Variants in RIN2 observed in about 807,000 individuals in gnomAD.
RIN2 encodes the protein Ras and Rab interactor 2.
Under a neutral mutation model 78.0 loss-of-function variants are expected in RIN2, and 36 were observed. The observed-to-expected ratio is 0.46, with a 90% CI of 0.35 to 0.61. RIN2 has a LOEUF of 0.61. Ranked by LOEUF, RIN2 falls within the 20% of genes least tolerant of loss-of-function variation. RIN2 has a pLI of 0.00. For missense variants in RIN2, 1,087 were observed against 1,159.7 expected (o/e 0.94, Z 0.91); for synonymous variants, 466 against 466.8 (o/e 1.00, Z 0.02).
chr20:19,856,363 A>G (rs181352170), intron 2 of RIN2, among the ~76,000 whole-genome samples: 1 of 152,092 alleles, frequency 6.6e-6, no homozygotes, highest in African/African-American at 2.4e-5. Flanking sequence ...AAATAAATTT[A>G]AAAAATAATT....
chr20:19,980,537 G>A (rs1175391743), intron 9 of RIN2, among the ~76,000 whole-genome samples: 1 of 152,146 alleles, frequency 6.6e-6, no homozygotes, highest in Non-Finnish European at 1.5e-5. Flanking sequence ...GAAGATGTCT[G>A]CTCCAGAGTA....
At chr20:19,921,533 G>C (rs542229017) in intron 3 of RIN2, among the ~76,000 whole-genome samples, 114 of 152,304 alleles carry the variant, frequency 7.5e-4, no homozygotes, top group Admixed American at 3.2e-3. Flanking sequence ...ACTGCTCTGA[G>C]CTGAGGAGAC....
chr20:19,865,754 A>G (rs1412741171), intron 2 of RIN2, among the ~76,000 whole-genome samples: 1 of 152,050 alleles, frequency 6.6e-6, no homozygotes, highest in Non-Finnish European at 1.5e-5. Context: ...GGCCTCCCAA[A>G]GTGCTGGGAT....
intron 1 of RIN2, among the ~76,000 whole-genome samples, chr20:19,761,281 C>T (rs561320743): frequency 4.4e-4 from 67 of 152,342 alleles, no homozygotes; most frequent in Non-Finnish European, 7.1e-4. Flanking sequence ...CCCAGAGGCA[C>T]ACTCCATGCA....
intron 11 of RIN2, among the ~76,000 whole-genome samples, chr20:19,995,455 G>T (rs1287683361): frequency 1.3e-5 from 2 of 151,972 alleles, no homozygotes; most frequent in Non-Finnish European, 2.9e-5. Flanking sequence ...AACATTCAGG[G>T]CGACCCCTAG....
At chr20:19,806,403 G>C (rs2035410806) in intron 2 of RIN2, among the ~76,000 whole-genome samples, 1 of 152,128 alleles carries the variant, frequency 6.6e-6, no homozygotes, top group Non-Finnish European at 1.5e-5. Context: ...ACTTTTTAAT[G>C]ATCGCCATTC....
intron 11 of RIN2, among the ~76,000 whole-genome samples, chr20:19,994,081 G>A (rs537112901): frequency 5.3e-5 from 8 of 152,360 alleles, no homozygotes; most frequent in African/African-American, 1.9e-4. Flanking sequence ...TGGACAGGTG[G>A]CTGTCTTCTC....
chr20:19,995,268 A>AC (rs2042920860), intron 11 of RIN2, among the ~76,000 whole-genome samples: 1 of 151,298 alleles, frequency 6.6e-6, no homozygotes, highest in African/African-American at 2.4e-5. Context: ...TTTTAAAAAA[A>AC]AAAAAAAAAA....
intron 1 of RIN2, among the ~76,000 whole-genome samples, chr20:19,778,947 T>C (rs2034404338): frequency 6.6e-6 from 1 of 152,142 alleles, no homozygotes; most frequent in Admixed American, 6.5e-5. Flanking sequence ...AGCATCTGGG[T>C]CCTGACTCAG....
intron 2 of RIN2, among the ~76,000 whole-genome samples, chr20:19,859,189 G>A (rs1477119032): frequency 6.6e-6 from 1 of 152,238 alleles, no homozygotes; most frequent in Admixed American, 6.5e-5. Context: ...AAGATGGGGA[G>A]GAGCCATCCA....
chr20:19,850,049 G>A (rs2036911718), intron 2 of RIN2, among the ~76,000 whole-genome samples: 1 of 152,194 alleles, frequency 6.6e-6, no homozygotes, highest in Non-Finnish European at 1.5e-5. Context: ...CTCTGAAAAT[G>A]TCCATGCTGG....
chr20:19,880,352 A>G (rs1460813708), intron 2 of RIN2, among the ~76,000 whole-genome samples: 1 of 146,544 alleles, frequency 6.8e-6, no homozygotes, highest in Non-Finnish European at 1.5e-5. Context: ...AAAGATAAGC[A>G]TGGCTCTTCC....
In RIN2 at chr20:19,906,780, TTAACTC is replaced by T. The variant is rs1274146515; in HGVS notation, c.57+17126_57+17131del. Among the ~76,000 whole-genome samples the T allele has an allele frequency of 5.9e-5, 9 of 152,292 alleles. No individual in the cohort carries two copies. The South Asian group carries it at 6.2e-4, about 11-fold the overall frequency. On this transcript the variant is annotated intron_variant, in intron 3 of 12. Coordinates refer to ENST00000255006, the MANE Select transcript of RIN2 (RefSeq NM_018993.4). ...ATTATATTTAAATGTTGAAACTAGT[TTAACTC>T]TAAAAGACAAGACAAGCCCATGTGA...
chr20:20,000,733 G>T lies in RIN2; in HGVS notation c.2485G>T (p.Gly829Trp), dbSNP rs773914961. The T allele has an allele frequency of 6.2e-7, 1 of 1,613,842 alleles. No homozygotes were observed. The highest frequency in any genetic ancestry group is 8.5e-7 in the Non-Finnish European group (1 of 1,179,894). Residue 829 changes from glycine (G) to tryptophan (W), a missense_variant, in exon 13 of 13, where the codon GGG (glycine) becomes TGG (tryptophan). Around this residue, in one of 8 missense-constraint regions of RIN2, gnomAD observed 160 missense variants for 179.4 expected, o/e 0.89. Coordinates refer to ENST00000255006, the MANE Select transcript of RIN2 (RefSeq NM_018993.4). ...CQICAEKFKVGDPEEYSLFLF... is the reference protein window; with the variant it reads ...CQICAEKFKVWDPEEYSLFLF... ...GATCTGCGCTGAGAAGTTCAAGGTG[G>T]GGGACCCTGAGGAGTACAGCCTCTT...
intron 3 of RIN2, among the ~76,000 whole-genome samples, chr20:19,900,636 A>C (rs2038935999): frequency 1.4e-5 from 2 of 145,398 alleles, no homozygotes; most frequent in African/African-American, 2.7e-5. Context: ...TACATTAAAA[A>C]AAAAGAAAAA....
intron 2 of RIN2, among the ~76,000 whole-genome samples, chr20:19,880,727 T>C (rs2038002850): frequency 6.6e-6 from 1 of 152,214 alleles, no homozygotes; most frequent in African/African-American, 2.4e-5. Context: ...TGTAAAATCC[T>C]ATGCACTTAC....
intron 2 of RIN2, among the ~76,000 whole-genome samples, chr20:19,819,157 G>A (rs2035858435): frequency 6.6e-6 from 1 of 152,198 alleles, no homozygotes; most frequent in African/African-American, 2.4e-5. Context: ...AATACCATAG[G>A]CTGGGTGGCT....
At chr20:19,807,042 A>G (rs34014129) in intron 2 of RIN2, among the ~76,000 whole-genome samples, 16,515 of 152,270 alleles carry the variant, frequency 0.11, 973 homozygotes, top group South Asian at 0.19. Flanking sequence ...CAGGCCAGCA[A>G]CACTTAGCAC....
At chr20:19,874,106 AC>A (rs1450334940) in intron 2 of RIN2, among the ~76,000 whole-genome samples, 1 of 150,128 alleles carries the variant, frequency 6.7e-6, no homozygotes, top group Non-Finnish European at 1.5e-5. Flanking sequence ...TGGTTATTTC[AC>A]TGCTTTAAGA....
Sources: allele counts gnomAD v4.1 joint callset (sites outside exome capture counted in the v4.1 genomes callset), GRCh38; gene constraint gnomAD v4.1.1; regional missense constraint gnomAD v4.1.1; transcripts MANE v1.5; gene names NCBI Gene and HGNC (gene_info 2026-07-23, HGNC 2026-07-21).